ZNF157: variants seen among roughly 807,000 people sequenced by gnomAD.
ZNF157 encodes the protein zinc finger protein 157, also known as zinc finger protein 22.
A neutral mutation model predicts 9.4 loss-of-function variants in ZNF157; 8 were observed. The observed-to-expected ratio is 0.85, with a 90% confidence interval of 0.50 to 1.53. The LOEUF (loss-of-function observed/expected upper bound fraction) is 1.53, where lower values mean the gene tolerates loss of function less well. ZNF157 is among the 40% of genes most tolerant of loss of function. The probability of loss-of-function intolerance (pLI) is 0.00; values close to 1 mark genes in which losing one functional copy is unlikely to be tolerated. For synonymous variants in ZNF157, 120 were observed against 130.8 expected, an observed-to-expected ratio of 0.92 and a Z score of 0.56; for missense variants, 316 against 385.2, an observed-to-expected ratio of 0.82 and a Z score of 1.50.
intron 1 of ZNF157, among the ~76,000 whole-genome samples, chrX:47,375,133 C>T (rs2055841087): frequency 9.8e-6 from 1 of 101,533 alleles, no homozygotes; most frequent in African/African-American, 3.6e-5. Context: ...TCTCCTGCCT[C>T]AGCCTCCCGA....
chrX:47,399,423 A>G (rs992162215), intron 1 of ZNF157, among the ~76,000 whole-genome samples: 1 of 111,896 alleles, frequency 8.9e-6, no homozygotes, highest in Non-Finnish European at 1.9e-5. Flanking sequence ...TCCAGCACCC[A>G]CAGTTGTAGC....
chrX:47,404,126 A>G (rs2055939507), intron 1 of ZNF157, among the ~76,000 whole-genome samples: 1 of 109,128 alleles, frequency 9.2e-6, no homozygotes, highest in East Asian at 3.1e-4. Flanking sequence ...GCTGAGATGG[A>G]GCCACTGCAC....
intron 1 of ZNF157, among the ~76,000 whole-genome samples, chrX:47,403,849 A>T (rs2055938200): frequency 8.9e-6 from 1 of 111,969 alleles, no homozygotes; most frequent in Non-Finnish European, 1.9e-5. Context: ...TCATAAAAAA[A>T]TAGAAATCCC....
chrX:47,411,199 G>C (rs1028522952), intron 3 of ZNF157, among the ~76,000 whole-genome samples: 21 of 110,565 alleles, frequency 1.9e-4, no homozygotes, highest in African/African-American at 4.9e-4. Context: ...ATGTTGGCCA[G>C]GTTGGTCACG....
chrX:47,405,975 G>A (rs2055945775), intron 1 of ZNF157, among the ~76,000 whole-genome samples: 1 of 106,485 alleles, frequency 9.4e-6, no homozygotes, highest in Non-Finnish European at 1.9e-5. Context: ...TATACCCAAT[G>A]TGTAGTCTTT....
chrX:47,412,808 C>T lies in ZNF157; in HGVS notation c.735C>T (p.Pro245=). 8.3e-7 allele frequency: 1 copy of T among 1,211,530 alleles called. No homozygotes were observed. Among genetic ancestry groups the T allele is most frequent in the East Asian group, 3.0e-5 (1 of 33,827 alleles). ...LHTRTHTGER[P]YECTECGKTF... ...CAAGAACACACACTGGAGAGAGACC[C>T]TATGAATGTACTGAATGTGGGAAAA... The change falls in exon 4 of 4, where the codon CCC becomes CCT. Residue 245 remains proline (P), a synonymous_variant. Coordinates refer to ENST00000377073, the MANE Select transcript of ZNF157 (RefSeq NM_003446.4).
At chrX:47,406,024 G>A (rs2055946007) in intron 1 of ZNF157, among the ~76,000 whole-genome samples, 1 of 105,396 alleles carries the variant, frequency 9.5e-6, no homozygotes, top group Admixed American at 1.1e-4. Context: ...AGTCCCCAAA[G>A]TCCATTGTAT....
At chrX:47,380,942 A>C (rs2055860250) in intron 1 of ZNF157, among the ~76,000 whole-genome samples, 1 of 95,934 alleles carries the variant, frequency 1.0e-5, no homozygotes, top group Admixed American at 1.2e-4. Context: ...GAGGAGGAAC[A>C]GGAGGAGCAG....
At chrX:47,383,673 ACT>A (rs1177750027) in intron 1 of ZNF157, among the ~76,000 whole-genome samples, 2 of 81,570 alleles carry the variant, frequency 2.5e-5, no homozygotes, top group Admixed American at 1.6e-4. Flanking sequence ...GCACCACTGC[ACT>A]CTGTCTCAGA....
Position 47,413,014 on chromosome X carries a change from A to T in ZNF157, c.941A>T (p.Lys314Met), listed in dbSNP as rs749284965. 2.5e-6 allele frequency: 3 copies of T among 1,209,054 alleles called. No individual in the cohort carries two copies. The highest frequency in any genetic ancestry group is 2.2e-6 in the Non-Finnish European group (2 of 894,516). ...CGECGKNFRA[K>M]KSLNQHQRIH... Reference sequence around the variant, plus strand: ...GAGTGTGGGAAAAACTTCCGTGCAAAGAAATCCCTAAATCAGCATCAAAGA... The same window carrying T: ...GAGTGTGGGAAAAACTTCCGTGCAATGAAATCCCTAAATCAGCATCAAAGA... Residue 314 changes from lysine (K) to methionine (M), a missense_variant, in exon 4 of 4, where the codon AAG becomes ATG. Physicochemically the swap from Lys to Met is moderately conservative, Grantham distance 95. Coordinates refer to ENST00000377073, the MANE Select transcript of ZNF157 (RefSeq NM_003446.4).
intron 1 of ZNF157, among the ~76,000 whole-genome samples, chrX:47,405,100 G>A (rs2055942900): frequency 9.0e-6 from 1 of 111,020 alleles, no homozygotes; most frequent in Non-Finnish European, 1.9e-5. Flanking sequence ...ACAAGAAGAA[G>A]GGGGAGGCCG....
chrX:47,377,043 G>A, intron 1 of ZNF157, among the ~76,000 whole-genome samples: 1 of 111,241 alleles, frequency 9.0e-6, no homozygotes, highest in South Asian at 3.8e-4. Flanking sequence ...CAGTGCTTGA[G>A]ATATTTTGCA....
rs1040107909 is a variant in ZNF157, at chrX:47,393,739, C to T, written c.73-16537C>T. Among the ~76,000 whole-genome samples, 83 of 69,052 alleles carry T rather than the reference C, an allele frequency of 1.2e-3. 3 individuals carry two copies. Among genetic ancestry groups the T allele is most frequent in the Non-Finnish European group, 1.0e-4 (4 of 38,150 alleles). The allele number at this position is 69,052 out of a possible 115,157, so 60.0% of individuals were successfully genotyped here. ...AGCTACCATCCCCGCCACCCTCCCCCGCCCTTTTTTTTTTTTTTAGACAAA... is the reference window on the plus strand; with the variant it reads ...AGCTACCATCCCCGCCACCCTCCCCTGCCCTTTTTTTTTTTTTTAGACAAA... On this transcript the variant is annotated intron_variant, in intron 1 of 3. Coordinates refer to ENST00000377073, the MANE Select transcript of ZNF157 (RefSeq NM_003446.4).
rs752487096 is a variant in ZNF157 at position 47,402,743 on chromosome X, C to T, written c.73-7533C>T. 5.9e-4 allele frequency among the ~76,000 whole-genome samples: 64 copies of T among 107,624 alleles called. 1 individual carries two copies. In the South Asian group the frequency reaches 0.023, roughly 39 times the overall value. The allele number at this position is 107,624 out of a possible 115,157, so 93.5% of individuals were successfully genotyped here. ...AGTTTTAGTAGACATGGGGTTTCAC[C>T]GTGTTACCCAGGATGGTCTCCATCT... On this transcript the variant is annotated intron_variant, in intron 1 of 3. Coordinates refer to ENST00000377073, the MANE Select transcript of ZNF157 (RefSeq NM_003446.4).
intron 1 of ZNF157, among the ~76,000 whole-genome samples, chrX:47,402,696 C>T (rs180962979): frequency 4.6e-5 from 5 of 107,766 alleles, no homozygotes; most frequent in East Asian, 3.0e-4. Context: ...CCCGCCACCA[C>T]GCCCGGCTAA....
At chrX:47,403,068 C>T (rs1169533157) in intron 1 of ZNF157, among the ~76,000 whole-genome samples, 1 of 104,709 alleles carries the variant, frequency 9.6e-6, no homozygotes, top group Non-Finnish European at 2.0e-5. Context: ...CGAGACCAGC[C>T]TGGCCAACAT....
chrX:47,388,331 G>A (rs906711496), intron 1 of ZNF157, among the ~76,000 whole-genome samples: 2 of 109,212 alleles, frequency 1.8e-5, no homozygotes, highest in South Asian at 3.9e-4. Context: ...TCATCCTCCC[G>A]CCTCAGCCTC....
At position 47,412,991 on chromosome X, in the gene ZNF157, G is replaced by T. The variant is rs2055970655; in HGVS notation, c.918G>T (p.Glu306Asp). ...HTGEKPYECG[E>D]CGKNFRAKKS... Reference sequence around the variant, plus strand: ...GGGAGAAACCTTATGAATGTGGGGAGTGTGGGAAAAACTTCCGTGCAAAGA... The same window carrying T: ...GGGAGAAACCTTATGAATGTGGGGATTGTGGGAAAAACTTCCGTGCAAAGA... The change falls in exon 4 of 4, where the codon GAG (glutamate) becomes GAT (aspartate). Residue 306 changes from glutamate to aspartate, a missense_variant. By Grantham distance (45) the Glu-to-Asp change is conservative (BLOSUM62 2). This residue lies in a region of ZNF157 where 167 missense variants were observed against 183.6 expected (regional missense o/e 0.91). Coordinates refer to ENST00000377073, the MANE Select transcript of ZNF157 (RefSeq NM_003446.4). 1.7e-6 allele frequency: 2 copies of T among 1,210,130 alleles called. No homozygotes were observed. Among genetic ancestry groups the T allele is most frequent in the East Asian group, 5.9e-5 (2 of 33,773 alleles).
At chrX:47,373,066 G>C (rs1300633435) in intron 1 of ZNF157, among the ~76,000 whole-genome samples, 2 of 87,931 alleles carry the variant, frequency 2.3e-5, no homozygotes, top group Non-Finnish European at 4.4e-5. Context: ...TGGGTGTGGT[G>C]GCGGGCACCT....
Sources: gnomAD v4.1 joint callset for allele counts (sites outside exome capture counted in the v4.1 genomes callset) on GRCh38, gnomAD v4.1.1 for gene constraint, gnomAD v4.1.1 regional missense constraint, MANE v1.5 for transcripts, NCBI Gene and HGNC (gene_info 2026-07-23, HGNC 2026-07-21) for gene names.